Variants in TAFA1 observed in about 807,000 individuals in gnomAD.
TAFA1 encodes the protein chemokine-like protein TAFA-1.
TAFA1 carries 4 observed loss-of-function variants against 18.5 expected under a neutral mutation model. The observed-to-expected ratio is 0.22, with a 90% CI of 0.11 to 0.49. The LOEUF is 0.49. Ranked by LOEUF, TAFA1 falls within the 20% of genes least tolerant of loss-of-function variation. The pLI is 0.98. For synonymous variants in TAFA1, 56 were observed against 55.2 expected (o/e 1.01, Z -0.06); for missense variants, 147 against 169.0 (o/e 0.87, Z 0.72).
At chr3:68,060,171 T>A (rs2106723420) in intron 2 of TAFA1, among the ~76,000 whole-genome samples, 2 of 151,612 alleles carry the variant, frequency 1.3e-5, no homozygotes, top group East Asian at 3.9e-4. Context: ...ACCTCAAAAG[T>A]CCACCATTGC....
intron 2 of TAFA1, among the ~76,000 whole-genome samples, chr3:68,112,089 T>G (rs2065269374): frequency 3.0e-5 from 1 of 33,802 alleles, no homozygotes. Flanking sequence ...AGTGAAGCAC[T>G]GGATGAAAAA....
intron 2 of TAFA1, among the ~76,000 whole-genome samples, chr3:68,011,001 C>A (rs774484219): frequency 1.3e-5 from 2 of 151,582 alleles, no homozygotes; most frequent in Non-Finnish European, 2.9e-5. Context: ...TTTTGTGTAA[C>A]AGGTAAAAAA....
In TAFA1 at chr3:68,021,185, CA is replaced by C. The variant is rs10610707; in HGVS notation, c.118+14468del. Among the ~76,000 whole-genome samples the C allele has an allele frequency of 9.6e-3, 536 of 56,016 alleles. 1 individual carries two copies. Among genetic ancestry groups the C allele is most frequent in the Non-Finnish European group, 0.011 (344 of 31,524 alleles). 36.7% of individuals were successfully genotyped at this position (56,016 alleles called of 152,430 possible). Reference sequence around the variant, plus strand: ...TAGTCAACAGAACAAGACCCTGTCTCAAAAAAAAAAAAAAAAAAAAAAAAAA... The same window carrying C: ...TAGTCAACAGAACAAGACCCTGTCTCAAAAAAAAAAAAAAAAAAAAAAAAA... On this transcript the variant is annotated intron_variant, in intron 2 of 4. Transcript: ENST00000478136.
intron 2 of TAFA1, among the ~76,000 whole-genome samples, chr3:68,124,520 A>G (rs917703361): frequency 6.6e-6 from 1 of 152,210 alleles, no homozygotes; most frequent in Non-Finnish European, 1.5e-5. Context: ...GGAATCATGA[A>G]CATCTAAGTT....
At chr3:68,314,178 A>G (rs2068567815) in intron 2 of TAFA1, among the ~76,000 whole-genome samples, 1 of 152,156 alleles carries the variant, frequency 6.6e-6, no homozygotes, top group African/African-American at 2.4e-5. Context: ...CTTTAGGAGG[A>G]AACTACCCTT....
At chr3:68,498,711 C>A (rs2072596040) in intron 3 of TAFA1, among the ~76,000 whole-genome samples, 1 of 132,154 alleles carries the variant, frequency 7.6e-6, no homozygotes, top group East Asian at 2.5e-4. Context: ...CCTCCCAAAG[C>A]CGTTTGGTGG....
intron 2 of TAFA1, among the ~76,000 whole-genome samples, chr3:68,029,709 G>A (rs543876301): frequency 5.8e-4 from 89 of 152,244 alleles, no homozygotes; most frequent in African/African-American, 1.9e-3. Flanking sequence ...GTACTCTTAC[G>A]TAATAATGCC....
chr3:68,395,479 G>C (rs751250774), intron 2 of TAFA1, among the ~76,000 whole-genome samples: 4 of 152,136 alleles, frequency 2.6e-5, no homozygotes, highest in Non-Finnish European at 1.5e-5. Context: ...GCACTATAAA[G>C]ACACATACGT....
At chr3:68,063,089 C>T (rs557274991) in intron 2 of TAFA1, among the ~76,000 whole-genome samples, 19 of 152,104 alleles carry the variant, frequency 1.2e-4, no homozygotes, top group Non-Finnish European at 2.8e-4. Flanking sequence ...ATCCTTGCCA[C>T]GTAGAAATGC....
intron 3 of TAFA1, among the ~76,000 whole-genome samples, chr3:68,478,593 GAATA>G (rs1334619969): frequency 7.9e-5 from 12 of 152,070 alleles, no homozygotes; most frequent in African/African-American, 2.9e-4. Flanking sequence ...TATAAAATAT[GAATA>G]ATCAGTTTTT....
intron 3 of TAFA1, among the ~76,000 whole-genome samples, chr3:68,509,281 T>C (rs2072811009): frequency 6.6e-6 from 1 of 152,084 alleles, no homozygotes; most frequent in South Asian, 2.1e-4. Context: ...TCAGCACATG[T>C]GGTCTCATTA....
intron 2 of TAFA1, among the ~76,000 whole-genome samples, chr3:68,147,666 G>A (rs566673315): frequency 2.0e-5 from 3 of 152,124 alleles, no homozygotes; most frequent in East Asian, 3.9e-4. Flanking sequence ...ACAATTTTCT[G>A]AAACACTTGA....
chr3:68,360,885 A>G (rs1188971437), intron 2 of TAFA1, among the ~76,000 whole-genome samples: 1 of 152,074 alleles, frequency 6.6e-6, no homozygotes, highest in Non-Finnish European at 1.5e-5. Flanking sequence ...TTCATTGAAT[A>G]TTAAGCTGGC....
intron 2 of TAFA1, among the ~76,000 whole-genome samples, chr3:68,371,313 A>G (rs141839356): frequency 0.038 from 5,708 of 152,122 alleles, 170 homozygotes; most frequent in East Asian, 0.14. Context: ...GCACCTGTCA[A>G]CCTGTCATCT....
intron 3 of TAFA1, among the ~76,000 whole-genome samples, chr3:68,441,399 G>A (rs1268662175): frequency 6.6e-6 from 1 of 152,090 alleles, no homozygotes; most frequent in Non-Finnish European, 1.5e-5. Flanking sequence ...TAAGATTTTA[G>A]AGCAAAGCCC....
At chr3:68,426,191 T>C (rs2071049607) in intron 3 of TAFA1, among the ~76,000 whole-genome samples, 1 of 151,886 alleles carries the variant, frequency 6.6e-6, no homozygotes, top group Admixed American at 6.6e-5. Flanking sequence ...TAATTATTTA[T>C]CAATTAAAAA....
At chr3:68,305,401 C>CTATATATGAA (rs530597251) in intron 2 of TAFA1, among the ~76,000 whole-genome samples, 1 of 54,836 alleles carries the variant, frequency 1.8e-5, no homozygotes, top group East Asian at 9.1e-4. Flanking sequence ...CTATATATGA[C>CTATATATGAA]TATATGACTA....
chr3:67,999,272 C>CT (rs746150084), upstream of TAFA1, among the ~76,000 whole-genome samples: 5,284 of 17,152 alleles, frequency 0.31, 163 homozygotes, highest in African/African-American at 0.41. Context: ...CTCTATCCCC[C>CT]CCCCCCCCCT....
intron 3 of TAFA1, among the ~76,000 whole-genome samples, chr3:68,454,843 TTTTA>T (rs976315528): frequency 2.6e-5 from 4 of 152,196 alleles, no homozygotes; most frequent in African/African-American, 7.2e-5. Context: ...AATCTGCATT[TTTTA>T]TTTGTTTTCA....
Sources: allele counts gnomAD v4.1 joint callset (sites outside exome capture counted in the v4.1 genomes callset), GRCh38; gene constraint gnomAD v4.1.1; transcripts MANE v1.5; gene names NCBI Gene and HGNC (gene_info 2026-07-23, HGNC 2026-07-21).